TRAK2: variants seen among roughly 807,000 people sequenced by gnomAD.
TRAK2 encodes trafficking kinesin protein 2.
In TRAK2, 81 loss-of-function variants were observed where a neutral mutation model predicts 104.6. That is an observed-to-expected ratio of 0.77 (90% CI 0.65 to 0.93). The LOEUF is 0.93. Ranked by LOEUF, TRAK2 falls within the 40% of genes least tolerant of loss-of-function variation. TRAK2 has a pLI of 0.00. For missense variants in TRAK2, 1,002 were observed against 1,089.0 expected (o/e 0.92, Z 1.12); for synonymous variants, 406 against 394.4 (o/e 1.03, Z -0.35).
rs376192948 is a variant in TRAK2, at chr2:201,386,379, C to G, written c.1802G>C (p.Gly601Ala). ...ATCTGAGATGTGATAAATAGCATCCCCGGGCAACTGGGTAAAGCCTTTAGT... is the reference window on the plus strand; with the variant it reads ...ATCTGAGATGTGATAAATAGCATCCGCGGGCAACTGGGTAAAGCCTTTAGT... ...VITKGFTQLP[G>A]DAIYHISDLE... The change falls in exon 14 of 16, where the codon GGG (glycine) becomes GCG (alanine). Residue 601 changes from glycine to alanine, a missense_variant. By Grantham distance (60) the Gly-to-Ala change is moderately conservative. Transcript: ENST00000332624. 6.2e-7 allele frequency: 1 copy of G among 1,614,040 alleles called. No individual in the cohort carries two copies. Among genetic ancestry groups the G allele is most frequent in the African/African-American group, 1.3e-5 (1 of 74,924 alleles).
chr2:201,389,880 C>A lies in TRAK2; in HGVS notation c.1114G>T (p.Glu372Ter), dbSNP rs770833753. 1.2e-6 allele frequency: 2 copies of A among 1,612,044 alleles called. No homozygotes were observed. The highest frequency in any genetic ancestry group is 2.2e-5 in the South Asian group (2 of 90,708). ...CCCTCAATCTCAGCTGCCAAAGATT[C>A]CTAAGAAAAAGAGTTTGAGATTTCT... ...FSQSYGAFTG[E>*]SLAAEIEGTM... The change falls in exon 11 of 16, where the codon GAA (glutamate) becomes TAA (stop). Residue 372 changes from glutamate (E) to a stop codon, truncating the protein, a stop_gained and splice_region_variant. Coordinates refer to ENST00000332624, the MANE Select transcript of TRAK2 (RefSeq NM_015049.3). LOFTEE classifies it high-confidence loss of function.
chr2:201,438,529 G>A (rs543356171), intron 1 of TRAK2, among the ~76,000 whole-genome samples: 3 of 152,130 alleles, frequency 2.0e-5, no homozygotes, highest in Non-Finnish European at 2.9e-5. Flanking sequence ...TCCATACTAA[G>A]AGCCAGGAAT....
At position 201,394,343 on chromosome 2, in the gene TRAK2, C is replaced by CTT. The variant is rs369969654; in HGVS notation, c.975+453_975+454dup. Among the ~76,000 whole-genome samples, 516 of 126,504 alleles carry CTT rather than the reference C, an allele frequency of 4.1e-3. 16 individuals carry two copies. The highest frequency in any genetic ancestry group is 0.014 in the East Asian group (53 of 3,884). The allele number at this position is 126,504 out of a possible 152,430, so 83.0% of individuals were successfully genotyped here. A position where few individuals can be genotyped will look rare whatever the true frequency, so the allele number is the denominator to read the frequency against. On this transcript the variant is annotated intron_variant, in intron 9 of 15. Coordinates refer to ENST00000332624, the MANE Select transcript of TRAK2 (RefSeq NM_015049.3). ...ACTTTTAAAATGCTTTATTCTTTTTCTTTCTTTTTTTTTTTTTGAGACGAA... is the reference window on the plus strand; with the variant it reads ...ACTTTTAAAATGCTTTATTCTTTTTCTTTTTCTTTTTTTTTTTTTGAGACGAA...
rs141682812 is a variant in TRAK2, at chr2:201,389,718, G to A, written c.1193+83C>T. ...AGTAAGCAAATTACTACTGAATCTC[G>A]TAATACTTGCCACTTTGGATTGTGG... On this transcript the variant is annotated intron_variant, in intron 11 of 15. Coordinates refer to ENST00000332624, the MANE Select transcript of TRAK2 (RefSeq NM_015049.3). 231 of 1,301,780 alleles carry A rather than the reference G, an allele frequency of 1.8e-4. 1 individual carries two copies. The East Asian group carries it at 4.5e-3, about 25-fold the overall frequency. 80.6% of individuals were successfully genotyped at this position (1,301,780 alleles called of 1,614,324 possible).
chr2:201,390,381 A>C (rs1951434983), intron 10 of TRAK2, among the ~76,000 whole-genome samples: 1 of 111,972 alleles, frequency 8.9e-6, no homozygotes, highest in African/African-American at 2.9e-5. Context: ...TGTCTCTACT[A>C]AAAATACAAA....
chr2:201,432,775 T>A (rs1488630662), intron 1 of TRAK2, among the ~76,000 whole-genome samples: 3 of 152,222 alleles, frequency 2.0e-5, no homozygotes, highest in Non-Finnish European at 4.4e-5. Context: ...CTGGGAAAGT[T>A]CACCTCTGCT....
In TRAK2 at chr2:201,380,310, C is replaced by A; in HGVS notation, c.*233G>T. 1.8e-6 allele frequency: 1 copy of A among 555,804 alleles called. No individual in the cohort carries two copies. The highest frequency in any genetic ancestry group is 3.2e-6 in the Non-Finnish European group (1 of 312,276). 34.4% of individuals were successfully genotyped at this position (555,804 alleles called of 1,614,324 possible). On this transcript the variant is annotated 3_prime_UTR_variant, in exon 16 of 16. Transcript: ENST00000332624. ...AACTCAACTGAAGGAGTATATTAAA[C>A]CTTTCTTTTCTCCCTCTGAACACTC... is the stretch of plus-strand genomic sequence containing the variant.
At chr2:201,434,878 A>C (rs1951870082) in intron 1 of TRAK2, among the ~76,000 whole-genome samples, 1 of 152,226 alleles carries the variant, frequency 6.6e-6, no homozygotes, top group South Asian at 2.1e-4. Flanking sequence ...TGTTTCTATA[A>C]AAGGTCATGA....
intron 3 of TRAK2, among the ~76,000 whole-genome samples, chr2:201,401,574 A>T (rs1320980127): frequency 1.3e-5 from 2 of 152,142 alleles, no homozygotes; most frequent in Non-Finnish European, 2.9e-5. Flanking sequence ...GCTAATGTAA[A>T]CAAGGAACAG....
intron 1 of TRAK2, among the ~76,000 whole-genome samples, chr2:201,448,367 A>T (rs1033594076): frequency 2.0e-5 from 3 of 152,248 alleles, no homozygotes; most frequent in African/African-American, 7.2e-5. Flanking sequence ...GCCTATCTAT[A>T]AAAACACCTC....
Position 201,389,471 on chromosome 2 carries a change from C to T in TRAK2, c.1226G>A (p.Arg409Lys), listed in dbSNP as rs1184410395. ...AQQKRVFDTV[R>K]IANDTRGRSI... ...GCGGCCCCGTGTGTCATTGGCAATC[C>T]TGACGGTATCAAATACCCGCTTCTG... The change falls in exon 12 of 16, where the codon AGG becomes AAG. Residue 409 changes from arginine (R) to lysine (K), a missense_variant. Transcript: ENST00000332624. 6.2e-7 allele frequency: 1 copy of T among 1,614,116 alleles called. No homozygotes were observed. Among genetic ancestry groups the T allele is most frequent in the Non-Finnish European group, 8.5e-7 (1 of 1,180,034 alleles).
At chr2:201,395,583 T>C (rs1394499794) in intron 7 of TRAK2, 139 bp from the exon 8 acceptor site, 1 of 864,582 alleles carries the variant, frequency 1.2e-6, no homozygotes, top group Non-Finnish European at 1.6e-6. Flanking sequence ...TAAAAAAAAA[T>C]CCAGAGAAAC....
chr2:201,406,194 A>G (rs1242069066), intron 3 of TRAK2, among the ~76,000 whole-genome samples: 2 of 152,208 alleles, frequency 1.3e-5, no homozygotes, highest in African/African-American at 2.4e-5. Flanking sequence ...CAAAAACACA[A>G]TAGTATTTGG....
chr2:201,435,579 T>C (rs984217545), intron 1 of TRAK2, among the ~76,000 whole-genome samples: 1 of 152,202 alleles, frequency 6.6e-6, no homozygotes, highest in Non-Finnish European at 1.5e-5. Flanking sequence ...ATTTAAATAT[T>C]TGAAAGTTAG....
chr2:201,413,876 T>C (rs1951669673), intron 2 of TRAK2, among the ~76,000 whole-genome samples: 1 of 152,178 alleles, frequency 6.6e-6, no homozygotes, highest in Admixed American at 6.5e-5. Context: ...TTCCTCCAGG[T>C]GTCTAATCTA....
chr2:201,411,532 T>TG, intron 2 of TRAK2: 3 of 748,938 alleles, frequency 4.0e-6, no homozygotes, highest in Non-Finnish European at 7.5e-6. Flanking sequence ...GACTCCAACC[T>TG]ATTCAGCATC....
intron 2 of TRAK2, among the ~76,000 whole-genome samples, chr2:201,409,807 C>A (rs191564294): frequency 6.6e-6 from 1 of 152,276 alleles, no homozygotes; most frequent in Admixed American, 6.5e-5. Context: ...TTAAAGTGAA[C>A]ACTAATGACT....
At chr2:201,411,312 T>C (rs1045887135) in intron 2 of TRAK2, 13 of 757,320 alleles carry the variant, frequency 1.7e-5, no homozygotes, top group South Asian at 1.2e-4. Flanking sequence ...TGATGCTCTT[T>C]TATGTTTATT....
At chr2:201,392,825 A>G in intron 10 of TRAK2, 84 bp downstream of exon 10, 1 of 1,318,754 alleles carries the variant, frequency 7.6e-7, no homozygotes, top group Non-Finnish European at 1.0e-6. Context: ...GATGTTTTAT[A>G]CCATCATAAA....
Sources: gnomAD v4.1 joint callset for allele counts (sites outside exome capture counted in the v4.1 genomes callset) on GRCh38, gnomAD v4.1.1 for gene constraint, MANE v1.5 for transcripts, NCBI Gene and HGNC (gene_info 2026-07-23, HGNC 2026-07-21) for gene names.